The following FAM227B variants were observed in gnomAD, a reference collection of about 807,000 sequenced individuals.
The protein encoded by FAM227B is protein FAM227B.
FAM227B carries 88 observed loss-of-function variants against 73.8 expected under a neutral mutation model. That is an observed-to-expected ratio of 1.19 (90% CI 1.00 to 1.42). The LOEUF (loss-of-function observed/expected upper bound fraction) is 1.42. FAM227B is among the 40% of genes most tolerant of loss of function. FAM227B has a pLI of 0.00. For missense variants in FAM227B, 632 were observed against 590.9 expected (o/e 1.07, Z -0.72); for synonymous variants, 210 against 190.5 (o/e 1.10, Z -0.84).
chr15:49,617,334 AG>A (rs1437733908), intron 1 of FAM227B, among the ~76,000 whole-genome samples: 14 of 152,204 alleles, frequency 9.2e-5, no homozygotes, highest in Admixed American at 9.2e-4. Flanking sequence ...ACTCATAGAG[AG>A]CTATAATAAG....
Position 49,396,154 on chromosome 15 carries a change from C to A in FAM227B, c.1013-24755G>T. 5 of 357,314 alleles carry A rather than the reference C, an allele frequency of 1.4e-5. 1 individual carries two copies. The highest frequency in any genetic ancestry group is 1.0e-4 in the South Asian group (5 of 48,674). 22.1% of individuals were successfully genotyped at this position (357,314 alleles called of 1,614,324 possible). On this transcript the variant is annotated intron_variant, in intron 11 of 15. Transcript: ENST00000299338. ...GTGGGTGTGCTCACCGTGTGCGAGC[C>A]GAAGCAGGGCGAGGCATTGCCTCAC...
chr15:49,353,553 C>G (rs2042564511), intron 13 of FAM227B: 1 of 151,368 alleles, frequency 6.6e-6, no homozygotes, highest in Non-Finnish European at 1.5e-5. Context: ...TCTGAAAAAT[C>G]TCATTAACAG....
chr15:49,482,416 T>C (rs1358026426), intron 11 of FAM227B, among the ~76,000 whole-genome samples: 1 of 152,146 alleles, frequency 6.6e-6, no homozygotes. Context: ...ACAGGATTCA[T>C]AATTTTGTTT....
At chr15:49,386,636 G>T (rs962475027) in intron 11 of FAM227B, among the ~76,000 whole-genome samples, 6 of 151,668 alleles carry the variant, frequency 4.0e-5, no homozygotes, top group Admixed American at 1.3e-4. Context: ...TAGAAGAAAA[G>T]AAATAACACA....
chr15:49,394,065 G>T (rs916505508), intron 11 of FAM227B, among the ~76,000 whole-genome samples: 11 of 152,062 alleles, frequency 7.2e-5, no homozygotes, highest in Admixed American at 2.0e-4. Flanking sequence ...AACATCACAG[G>T]TATTGGTGAT....
chr15:49,619,167 G>GA (rs917005481), intron 1 of FAM227B, among the ~76,000 whole-genome samples: 24 of 148,528 alleles, frequency 1.6e-4, no homozygotes, highest in East Asian at 3.9e-4. Flanking sequence ...CTTTTGTGAG[G>GA]AAAAAAAAAA....
chr15:49,338,331 A>G (rs543468678), intron 13 of FAM227B, among the ~76,000 whole-genome samples: 298 of 152,326 alleles, frequency 2.0e-3, no homozygotes, highest in South Asian at 7.3e-3. Flanking sequence ...GGTGGTGACA[A>G]AATCTCTCAG....
intron 11 of FAM227B, among the ~76,000 whole-genome samples, chr15:49,394,802 G>A (rs1307546527): frequency 6.6e-6 from 1 of 152,128 alleles, no homozygotes; most frequent in East Asian, 1.9e-4. Flanking sequence ...ATATTGCTGA[G>A]ATTTCATTTA....
intron 8 of FAM227B, among the ~76,000 whole-genome samples, chr15:49,571,121 TCTA>T (rs2075067203): frequency 6.6e-6 from 1 of 151,648 alleles, no homozygotes. Context: ...TTACGGTGAT[TCTA>T]CTTTCAGTTT....
chr15:49,562,670 A>C (rs2074351179), intron 9 of FAM227B, among the ~76,000 whole-genome samples: 1 of 152,194 alleles, frequency 6.6e-6, no homozygotes, highest in African/African-American at 2.4e-5. Context: ...AATAAGCTTT[A>C]TTCCTGTGAT....
intron 11 of FAM227B, chr15:49,485,984 T>C (rs1479021438): frequency 6.6e-6 from 1 of 151,996 alleles, no homozygotes; most frequent in African/African-American, 2.4e-5. Context: ...TCATGAAGGC[T>C]TGAGGTCAGC....
intron 11 of FAM227B, among the ~76,000 whole-genome samples, chr15:49,377,797 C>T (rs556638579): frequency 3.1e-4 from 47 of 152,176 alleles, no homozygotes; most frequent in African/African-American, 1.1e-3. Context: ...TATTTTCTGC[C>T]ATTCTGTGGG....
chr15:49,555,133 T>G (rs1237996032), intron 9 of FAM227B, among the ~76,000 whole-genome samples: 2 of 152,222 alleles, frequency 1.3e-5, no homozygotes, highest in Non-Finnish European at 2.9e-5. Flanking sequence ...TTTTAGCTGG[T>G]TATTATGCAG....
At chr15:49,488,547 AT>A (rs1248197851) in intron 11 of FAM227B, 3 of 151,900 alleles carry the variant, frequency 2.0e-5, no homozygotes, top group Non-Finnish European at 2.9e-5. Context: ...GATGCCTCTT[AT>A]GTTTTCCTTT....
intron 9 of FAM227B, among the ~76,000 whole-genome samples, chr15:49,558,758 A>G (rs753440277): frequency 6.6e-6 from 1 of 152,114 alleles, no homozygotes; most frequent in African/African-American, 2.4e-5. Context: ...ACTCATACCC[A>G]TTGCTCTGCA....
chr15:49,582,619 G>C (rs895291574), intron 5 of FAM227B, among the ~76,000 whole-genome samples: 2 of 152,032 alleles, frequency 1.3e-5, no homozygotes, highest in African/African-American at 4.8e-5. Flanking sequence ...CCCAGCACTG[G>C]GTCAAACGGA....
At chr15:49,493,074 C>T (rs567464529) in intron 11 of FAM227B, among the ~76,000 whole-genome samples, 2 of 152,022 alleles carry the variant, frequency 1.3e-5, no homozygotes, top group East Asian at 3.9e-4. Context: ...GATTGCTCAA[C>T]TCTTCTTACC....
intron 1 of FAM227B, among the ~76,000 whole-genome samples, chr15:49,619,428 T>C (rs1473584717): frequency 6.6e-6 from 1 of 152,176 alleles, no homozygotes; most frequent in Non-Finnish European, 1.5e-5. Flanking sequence ...CAACACTCCC[T>C]TTGGAGCTCT....
At chr15:49,556,870 A>C (rs1266933495) in intron 9 of FAM227B, among the ~76,000 whole-genome samples, 1 of 152,142 alleles carries the variant, frequency 6.6e-6, no homozygotes, top group East Asian at 1.9e-4. Context: ...TCCTGCTCCA[A>C]CATATCTCCA....
Sources: gnomAD v4.1 joint callset for allele counts (sites outside exome capture counted in the v4.1 genomes callset) on GRCh38, gnomAD v4.1.1 for gene constraint, MANE v1.5 for transcripts, NCBI Gene and HGNC (gene_info 2026-07-23, HGNC 2026-07-21) for gene names.